Variants in WDR81 observed in about 807,000 individuals in gnomAD.
The protein encoded by WDR81 is WD repeat-containing protein 81.
In WDR81, 92 loss-of-function variants were observed where a neutral mutation model predicts 140.8. The observed-to-expected ratio is 0.65, with a 90% confidence interval of 0.55 to 0.78. The LOEUF (loss-of-function observed/expected upper bound fraction) is 0.78, where lower values mean the gene tolerates loss of function less well. Among genes scored for constraint, WDR81 ranks in the 30% least tolerant of loss-of-function variants. The probability of loss-of-function intolerance (pLI) is 0.00; values close to 1 mark genes in which losing one functional copy is unlikely to be tolerated. For missense variants in WDR81, 2,502 were observed against 2,636.4 expected (o/e 0.95, Z 1.12); for synonymous variants, 1,183 against 1,156.4 (o/e 1.02, Z -0.47).
rs1433952051 is a variant in WDR81 at position 1,730,758 on chromosome 17, C to A, written c.3779C>A (p.Pro1260His). The A allele has an allele frequency of 6.2e-7, 1 of 1,606,900 alleles. No individual in the cohort carries two copies. Among genetic ancestry groups the A allele is most frequent in the South Asian group, 1.1e-5 (1 of 90,640 alleles). The change falls in exon 3 of 10, where the codon CCC becomes CAC. Residue 1260 changes from proline (P) to histidine (H), a missense_variant. This residue lies in a region of WDR81 where 1,737 missense variants were observed against 1,843.0 expected (regional missense o/e 0.94). Transcript: ENST00000409644. ...LRLLTSCYVG[P>H]TRQQFTVSSG... Reference sequence around the variant, plus strand: ...GCTGCTGGCCCTTCCGTGGCAGGACCCACTCGGCAGCAGTTCACAGTGAGC... The same window carrying A: ...GCTGCTGGCCCTTCCGTGGCAGGACACACTCGGCAGCAGTTCACAGTGAGC...
Position 1,727,472 on chromosome 17 carries a change from A to G in WDR81, c.2513A>G (p.Glu838Gly), listed in dbSNP as rs940211415. The stretch of plus-strand genomic sequence containing the variant: ...GGCCCCGAAGTCCCCATGGGAGCAG[A>G]GAGGGGCAAGCTGGACCAACTGTTT... ...MSGPEVPMGAERGKLDQLFEY... is the reference protein window; with the variant it reads ...MSGPEVPMGAGRGKLDQLFEY... The change falls in exon 1 of 10, where the codon GAG becomes GGG. Residue 838 changes from glutamate to glycine, a missense_variant. Coordinates refer to ENST00000409644, the MANE Select transcript of WDR81 (RefSeq NM_001163809.2). 2 of 1,550,354 alleles carry G rather than the reference A, an allele frequency of 1.3e-6. No homozygotes were observed. The highest frequency in any genetic ancestry group is 3.9e-5 in the Admixed American group (2 of 51,004).
Position 1,737,821 on chromosome 17 carries a change from C to A in WDR81, c.*136C>A. ...CCTGGGTGCCCACATGGCCTGCCAA[C>A]TAGGGCCTGCAAATGGAGTGGGGGA... On this transcript the variant is annotated 3_prime_UTR_variant, in exon 10 of 10. Transcript: ENST00000409644. 8.9e-7 allele frequency: 1 copy of A among 1,129,776 alleles called. No individual in the cohort carries two copies. Among genetic ancestry groups the A allele is most frequent in the East Asian group, 2.6e-5 (1 of 38,702 alleles). 70.0% of individuals were successfully genotyped at this position (1,129,776 alleles called of 1,614,324 possible).
intron 6 of WDR81, 143 bp downstream of exon 6, chr17:1,732,974 A>G: frequency 1.9e-6 from 2 of 1,034,722 alleles, no homozygotes; most frequent in Admixed American, 3.0e-5. Context: ...TTGGCCTCAG[A>G]CCCCTACCCC....
intron 6 of WDR81, 65 bp downstream of exon 6, chr17:1,732,896 T>C: frequency 6.5e-7 from 1 of 1,530,176 alleles, no homozygotes; most frequent in African/African-American, 1.4e-5. Flanking sequence ...GAGGCCCCAT[T>C]CTCTGCCCTT....
upstream of WDR81, among the ~76,000 whole-genome samples, chr17:1,723,950 C>T (rs565053483): frequency 2.0e-5 from 3 of 152,346 alleles, no homozygotes; most frequent in South Asian, 6.2e-4. Context: ...ACTGTCCTCC[C>T]TACCTCACAG....
upstream of WDR81, among the ~76,000 whole-genome samples, chr17:1,720,956 A>G (rs1914831920): frequency 6.6e-6 from 1 of 152,064 alleles, no homozygotes; most frequent in South Asian, 2.1e-4. Flanking sequence ...TCACTGCTGC[A>G]GTGTAACCCC....
upstream of WDR81, among the ~76,000 whole-genome samples, chr17:1,723,463 TTATTTA>T (rs1567715974): frequency 0.021 from 2,292 of 109,976 alleles, 62 homozygotes; most frequent in African/African-American, 0.078. Flanking sequence ...TTATTTTTAT[TTATTTA>T]TTTATTTATT....
chr17:1,725,958 AGGGCAACCT>A lies in WDR81; in HGVS notation c.1008_1016del (p.Gly337_Pro339del). 1 of 1,550,584 alleles carries A rather than the reference AGGGCAACCT, an allele frequency of 6.4e-7. No homozygotes were observed. The highest frequency in any genetic ancestry group is 8.7e-7 in the Non-Finnish European group (1 of 1,146,888). ...GCATTGTGTCTCAAGAGGAGCAGGG[AGGGCAACCT>A]GGGCAACCCACTGGCCAGGAGGAAC... On this transcript the variant is annotated inframe_deletion, in exon 1 of 10. Transcript: ENST00000409644.
Position 1,732,786 on chromosome 17 carries a change from C to T in WDR81, c.4444C>T (p.Leu1482=), listed in dbSNP as rs540903254. Residue 1482 remains leucine (L), a synonymous_variant, in exon 6 of 10, where the codon CTG becomes TTG. Transcript: ENST00000409644. ...LLDELQKVFT[L]EMAYTIYVPF... is the part of the protein sequence containing the mutation. ...GGACGAGCTGCAGAAGGTGTTCACC[C>T]TGGAGATGGCATACACAATCTACGT... is the stretch of plus-strand genomic sequence containing the variant. The T allele has an allele frequency of 1.4e-5, 22 of 1,613,036 alleles. No individual in the cohort carries two copies. In the African/African-American group the frequency reaches 2.3e-4, roughly 17 times the overall value.
upstream of WDR81, among the ~76,000 whole-genome samples, chr17:1,720,760 G>A (rs564386844): frequency 2.2e-5 from 3 of 134,264 alleles, no homozygotes; most frequent in East Asian, 4.3e-4. Context: ...GTCAGACTCC[G>A]TATCAAGAAA....
chr17:1,728,465 A>G lies in WDR81; in HGVS notation c.3506A>G (p.Glu1169Gly). The G allele has an allele frequency of 3.7e-6, 6 of 1,608,056 alleles. No individual in the cohort carries two copies. The highest frequency in any genetic ancestry group is 2.2e-5 in the East Asian group (1 of 44,752). The change falls in exon 1 of 10, where the codon GAG becomes GGG. Residue 1169 changes from glutamate to glycine, a missense_variant. Around this residue, in one of 3 missense-constraint regions of WDR81, gnomAD observed 1,737 missense variants for 1,843.0 expected, o/e 0.94. Transcript: ENST00000409644. Reference protein sequence around the residue: ...EDSCVVLEEEEGEQEEVTGAS... With the variant: ...EDSCVVLEEEGGEQEEVTGAS... ...AGCTGCGTGGTGCTAGAGGAGGAGGAGGGGGAGCAGGAGGAGGTCACCGGG... is the reference window on the plus strand; with the variant it reads ...AGCTGCGTGGTGCTAGAGGAGGAGGGGGGGGAGCAGGAGGAGGTCACCGGG...
At chr17:1,736,345 C>T in intron 9 of WDR81, 127 bp downstream of exon 9, 1 of 1,182,300 alleles carries the variant, frequency 8.5e-7, no homozygotes, top group East Asian at 2.7e-5. Flanking sequence ...TGGTCCAGGA[C>T]TAACTGGGCA....
At position 1,730,463 on chromosome 17, in the gene WDR81, C is replaced by T. The variant is rs749383302; in HGVS notation, c.3751C>T (p.Arg1251Cys). 2.3e-5 allele frequency: 37 copies of T among 1,613,132 alleles called. No homozygotes were observed. Among genetic ancestry groups the T allele is most frequent in the Admixed American group, 1.0e-4 (6 of 59,972 alleles). Residue 1251 changes from arginine to cysteine, a missense_variant, in exon 2 of 10, where the codon CGC becomes TGC. By Grantham distance (180) the Arg-to-Cys change is radical (BLOSUM62 -3). Around this residue, in one of 3 missense-constraint regions of WDR81, gnomAD observed 1,737 missense variants for 1,843.0 expected, o/e 0.94. Transcript: ENST00000409644. ...ASRHVARNLLRLLTSCYVGPT... is the reference protein window; with the variant it reads ...ASRHVARNLLCLLTSCYVGPT... ...TCGCCACGTGGCCCGGAACCTGCTC[C>T]GCCTGCTGACGTCTTGTTATGTTGG...
chr17:1,725,230 C>G lies in WDR81; in HGVS notation c.271C>G (p.Leu91Val), dbSNP rs1389419802. 6.5e-7 allele frequency: 1 copy of G among 1,540,616 alleles called. No homozygotes were observed. ...GLGEAEVRTL[L>V]QRSVQRLPAG... Reference sequence around the variant, plus strand: ...GGGAGAAGCGGAAGTCAGGACTCTCCTGCAGCGCTCTGTGCAAAGGCTGCC... The same window carrying G: ...GGGAGAAGCGGAAGTCAGGACTCTCGTGCAGCGCTCTGTGCAAAGGCTGCC... Residue 91 changes from leucine (L) to valine (V), a missense_variant, in exon 1 of 10, where the codon CTG (leucine) becomes GTG (valine). This residue lies in a region of WDR81 where 547 missense variants were observed against 513.8 expected (regional missense o/e 1.06). Coordinates refer to ENST00000409644, the MANE Select transcript of WDR81 (RefSeq NM_001163809.2).
At chr17:1,736,366 C>T (rs986253126) in intron 9 of WDR81, 148 bp downstream of exon 9, 88 of 1,048,836 alleles carry the variant, frequency 8.4e-5, no homozygotes, top group Admixed American at 1.8e-4. Context: ...GGGAGGGTAG[C>T]CCTCTCGGTC....
At position 1,725,765 on chromosome 17, in the gene WDR81, G is replaced by A. The variant is rs1265284459; in HGVS notation, c.806G>A (p.Arg269Lys). 3.9e-6 allele frequency: 6 copies of A among 1,550,574 alleles called. 1 individual carries two copies. The highest frequency in any genetic ancestry group is 4.9e-5 in the East Asian group (2 of 40,944). Reference sequence around the variant, plus strand: ...CTGTTCATTCTCTTCCGCGTGCTGAGGGCTATGGACGCCTGTCACCGCCAG... The same window carrying A: ...CTGTTCATTCTCTTCCGCGTGCTGAAGGCTATGGACGCCTGTCACCGCCAG... The part of the protein sequence containing the change: ...KVLFILFRVL[R>K]AMDACHRQGL... The change falls in exon 1 of 10, where the codon AGG becomes AAG. Residue 269 changes from arginine to lysine, a missense_variant. This residue lies in a region of WDR81 where 547 missense variants were observed against 513.8 expected (regional missense o/e 1.06). Coordinates refer to ENST00000409644, the MANE Select transcript of WDR81 (RefSeq NM_001163809.2).
chr17:1,733,053 C>A (rs1265455433), intron 6 of WDR81: 5 of 566,792 alleles, frequency 8.8e-6, no homozygotes, highest in Non-Finnish European at 1.5e-5. Flanking sequence ...CCTGTAGTGT[C>A]CCTGGGGAAG....
chr17:1,722,339 TTCTC>T (rs1454973648), upstream of WDR81, among the ~76,000 whole-genome samples: 8 of 151,448 alleles, frequency 5.3e-5, no homozygotes, highest in South Asian at 2.1e-4. Flanking sequence ...CATTCCTGTT[TTCTC>T]TCTCTTTTTT....
upstream of WDR81, among the ~76,000 whole-genome samples, chr17:1,723,457 TTTTATTTATTTATTTATTTA>T (rs60273826): frequency 9.2e-5 from 12 of 130,546 alleles, no homozygotes; most frequent in South Asian, 4.8e-4. Flanking sequence ...ATTTATTTAT[TTTTATTTATTTATTTATTTA>T]TTTATTTATT....
Sources: gnomAD v4.1 joint callset for allele counts (sites outside exome capture counted in the v4.1 genomes callset) on GRCh38, gnomAD v4.1.1 for gene constraint, gnomAD v4.1.1 regional missense constraint, MANE v1.5 for transcripts, NCBI Gene and HGNC (gene_info 2026-07-23, HGNC 2026-07-21) for gene names.